Variants in PDE1C observed in about 807,000 individuals in gnomAD.
PDE1C encodes phosphodiesterase 1C, also known as dual specificity calcium/calmodulin-dependent 3',5'-cyclic nucleotide phosphodiesterase 1C.
A neutral mutation model predicts 93.1 loss-of-function variants in PDE1C; 62 were observed. That is an observed-to-expected ratio of 0.67 (90% confidence interval 0.54 to 0.82). PDE1C has a LOEUF of 0.82. PDE1C is among the 40% of genes least tolerant of loss of function. The pLI is 0.00. For synonymous variants in PDE1C, 325 were observed against 310.1 expected, an observed-to-expected ratio of 1.05 and a Z score of -0.50; for missense variants, 742 against 884.6, an observed-to-expected ratio of 0.84 and a Z score of 2.04.
At chr7:31,619,429 CCTAA>C in the PDE1C span, among the ~76,000 whole-genome samples, 1 of 152,042 alleles carries the variant, frequency 6.6e-6, no homozygotes, top group South Asian at 2.1e-4. Flanking sequence ...GTAACATGTT[CCTAA>C]CTTATTGTTT....
At chr7:32,350,342 G>T (rs918613114) in intron 1 of PDE1C, among the ~76,000 whole-genome samples, 1 of 152,046 alleles carries the variant, frequency 6.6e-6, no homozygotes, top group African/African-American at 2.4e-5. Context: ...TCTAGAGTAT[G>T]TATGTAGAAC....
chr7:31,688,318 T>G, the PDE1C span, among the ~76,000 whole-genome samples: 1 of 152,240 alleles, frequency 6.6e-6, no homozygotes, highest in Non-Finnish European at 1.5e-5. Flanking sequence ...AAACGTTGGC[T>G]TCTACCTTAT....
At chr7:31,683,838 A>G in the PDE1C span, among the ~76,000 whole-genome samples, 1 of 152,240 alleles carries the variant, frequency 6.6e-6, no homozygotes, top group African/African-American at 2.4e-5. Flanking sequence ...AATAATTCTT[A>G]TTCATAAAGA....
the PDE1C span, among the ~76,000 whole-genome samples, chr7:31,620,503 C>T: frequency 6.6e-6 from 1 of 151,434 alleles, no homozygotes; most frequent in East Asian, 1.9e-4. Flanking sequence ...CAAACAGGGT[C>T]TGGAGTGGAC....
In PDE1C at chr7:32,350,575, T is replaced by TTGC. The variant is rs1783947320; in HGVS notation, c.310+77246_310+77247insGCA. ...ATATATATATATATATATATATATA[T>TTGC]ATATATATATATATATTTTTTTTTT... On this transcript the variant is annotated intron_variant, in intron 1 of 1. Coordinates refer to the PDE1C transcript ENST00000672256. Among the ~76,000 whole-genome samples, 3 of 1,600 alleles carry TTGC rather than the reference T, an allele frequency of 1.9e-3. 1 individual carries two copies. Among genetic ancestry groups the TTGC allele is most frequent in the African/African-American group, 7.1e-4 (1 of 1,412 alleles). The allele number at this position is 1,600 out of a possible 152,430, so 1.0% of individuals were successfully genotyped here. A position where few individuals can be genotyped will look rare whatever the true frequency, so the allele number is the denominator to read the frequency against.
intron 5 of PDE1C, among the ~76,000 whole-genome samples, chr7:31,875,594 G>A (rs549970878): frequency 2.6e-4 from 39 of 151,764 alleles, no homozygotes; most frequent in African/African-American, 9.4e-4. Context: ...TAGAGAAATT[G>A]CAGGAACTTC....
chr7:32,301,731 T>C (rs1812885877), upstream of PDE1C, among the ~76,000 whole-genome samples: 1 of 152,222 alleles, frequency 6.6e-6, no homozygotes, highest in South Asian at 2.1e-4. Context: ...TTGTTTGCTC[T>C]TTCAGAATCG....
In PDE1C at chr7:32,022,388, A is replaced by G. The variant is rs535408847; in HGVS notation, c.128+29166T>C. Among the ~76,000 whole-genome samples the G allele has an allele frequency of 6.6e-5, 10 of 152,226 alleles. No homozygotes were observed. In the East Asian group the frequency reaches 1.9e-3, roughly 29 times the overall value. On this transcript the variant is annotated intron_variant, in intron 2 of 17. Coordinates refer to ENST00000396191, the MANE Select transcript of PDE1C (RefSeq NM_001191057.4). Reference sequence around the variant, plus strand: ...GGTATGAAATTTCTAGCTAGGAGAAATCAGAAGCAAGTCAACAGAGGAGGT... The same window carrying G: ...GGTATGAAATTTCTAGCTAGGAGAAGTCAGAAGCAAGTCAACAGAGGAGGT...
At chr7:31,957,165 A>T (rs908382156) in intron 2 of PDE1C, among the ~76,000 whole-genome samples, 1 of 149,982 alleles carries the variant, frequency 6.7e-6, no homozygotes, top group African/African-American at 2.5e-5. Flanking sequence ...CCAGTCTTAC[A>T]TTTCATACTA....
intron 1 of PDE1C, among the ~76,000 whole-genome samples, chr7:32,422,207 A>G (rs1023567686): frequency 2.0e-5 from 3 of 152,200 alleles, no homozygotes; most frequent in African/African-American, 7.2e-5. Flanking sequence ...AACTCAGCGC[A>G]GGGACACACG....
chr7:32,212,640 C>T (rs1044475763), intron 1 of PDE1C, among the ~76,000 whole-genome samples: 2 of 152,170 alleles, frequency 1.3e-5, no homozygotes, highest in Admixed American at 6.5e-5. Flanking sequence ...CACACTCTTC[C>T]TGCCTGGCTC....
chr7:31,854,794 A>C (rs12701150), intron 7 of PDE1C, among the ~76,000 whole-genome samples: 33,734 of 152,048 alleles, frequency 0.22, 3,916 homozygotes, highest in African/African-American at 0.28. Context: ...GGGCCTGGCG[A>C]GGTGCCTCAT....
At chr7:31,690,344 G>C in the PDE1C span, among the ~76,000 whole-genome samples, 1 of 152,194 alleles carries the variant, frequency 6.6e-6, no homozygotes, top group Non-Finnish European at 1.5e-5. Flanking sequence ...ACTCCACCCA[G>C]TAGGTATTAT....
intron 1 of PDE1C, among the ~76,000 whole-genome samples, chr7:32,328,055 G>A (rs1407997634): frequency 6.6e-5 from 10 of 152,076 alleles, no homozygotes; most frequent in Admixed American, 6.5e-4. Flanking sequence ...TTTCTTTTGA[G>A]CATATATTCA....
intron 6 of PDE1C, among the ~76,000 whole-genome samples, chr7:31,868,621 C>A (rs1795575466): frequency 6.6e-6 from 1 of 152,046 alleles, no homozygotes; most frequent in South Asian, 2.1e-4. Flanking sequence ...AGTCAGAAAA[C>A]CTATTTAACA....
At chr7:31,987,920 G>C (rs1783627923) in intron 2 of PDE1C, among the ~76,000 whole-genome samples, 1 of 152,204 alleles carries the variant, frequency 6.6e-6, no homozygotes, top group Non-Finnish European at 1.5e-5. Context: ...ACCCTTCTCT[G>C]TGCCTGGGGG....
intron 2 of PDE1C, among the ~76,000 whole-genome samples, chr7:31,889,122 A>C (rs956742112): frequency 1.3e-5 from 2 of 152,230 alleles, no homozygotes; most frequent in African/African-American, 4.8e-5. Context: ...CAAATTCACC[A>C]CAAGTCATTT....
At chr7:32,297,748 G>C (rs1268256432) in intron 1 of PDE1C, among the ~76,000 whole-genome samples, 2 of 152,110 alleles carry the variant, frequency 1.3e-5, no homozygotes, top group Non-Finnish European at 2.9e-5. Flanking sequence ...GGGCAGGAGA[G>C]GGAAACACCA....
the PDE1C span, among the ~76,000 whole-genome samples, chr7:31,720,664 G>GA: frequency 6.6e-6 from 1 of 152,204 alleles, no homozygotes; most frequent in Non-Finnish European, 1.5e-5. Context: ...TCAACAGGGT[G>GA]TCGTTCTTGA....
Sources: gnomAD v4.1 joint callset for allele counts (sites outside exome capture counted in the v4.1 genomes callset) on GRCh38, gnomAD v4.1.1 for gene constraint, MANE v1.5 for transcripts, NCBI Gene and HGNC (gene_info 2026-07-23, HGNC 2026-07-21) for gene names.